The following ARHGEF28 variants were observed in gnomAD, a reference collection of about 807,000 sequenced individuals.
ARHGEF28 encodes 190 kDa guanine nucleotide exchange factor.
Under a neutral mutation model 206.6 loss-of-function variants are expected in ARHGEF28, and 152 were observed. The ratio of observed to expected loss-of-function variants is 0.74; its 90% confidence interval spans 0.64 to 0.84. The LOEUF is 0.84. Among genes scored for constraint, ARHGEF28 ranks in the 40% least tolerant of loss-of-function variants. The pLI is 0.00. For synonymous variants in ARHGEF28, 763 were observed against 776.4 expected (o/e 0.98, Z 0.29); for missense variants, 2,028 against 2,073.2 (o/e 0.98, Z 0.42).
chr5:73,879,819 G>C (rs1352933989), intron 22 of ARHGEF28, among the ~76,000 whole-genome samples: 1 of 152,152 alleles, frequency 6.6e-6, no homozygotes, highest in Non-Finnish European at 1.5e-5. Flanking sequence ...GCCATGTGAG[G>C]TGTCAGTCTG....
intron 1 of ARHGEF28, among the ~76,000 whole-genome samples, chr5:73,666,446 G>T (rs1369503425): frequency 6.6e-6 from 1 of 152,192 alleles, no homozygotes; most frequent in African/African-American, 2.4e-5. Context: ...TACCCTAGTG[G>T]AGGCTCTCTT....
intron 7 of ARHGEF28, among the ~76,000 whole-genome samples, chr5:73,785,580 G>A (rs551230313): frequency 6.6e-6 from 1 of 152,242 alleles, no homozygotes; most frequent in African/African-American, 2.4e-5. Flanking sequence ...GATATCACAT[G>A]GGAGGCTATT....
chr5:73,704,544 C>T (rs1748814930), intron 2 of ARHGEF28, among the ~76,000 whole-genome samples: 1 of 152,110 alleles, frequency 6.6e-6, no homozygotes, highest in African/African-American at 2.4e-5. Flanking sequence ...CCTGCCTCAG[C>T]CTCCTGAGTA....
intron 28 of ARHGEF28, among the ~76,000 whole-genome samples, chr5:73,893,838 A>G (rs563924484): frequency 8.7e-4 from 133 of 152,344 alleles, no homozygotes; most frequent in African/African-American, 3.1e-3. Context: ...ACTTTGAAGC[A>G]CAGAGGGGAC....
chr5:73,828,706 G>T (rs10474401), intron 9 of ARHGEF28, among the ~76,000 whole-genome samples: 8 of 126,168 alleles, frequency 6.3e-5, no homozygotes, highest in South Asian at 2.6e-4. Flanking sequence ...CTTTCTCTCT[G>T]TCTCTTTCTC....
Position 73,632,811 on chromosome 5 carries a change from C to A in ARHGEF28, c.-12+6489C>A, listed in dbSNP as rs1031935725. Among the ~76,000 whole-genome samples, 11 of 151,974 alleles carry A rather than the reference C, an allele frequency of 7.2e-5. No homozygotes were observed. In the South Asian group the frequency reaches 1.9e-3, roughly 26 times the overall value. On this transcript the variant is annotated intron_variant, in intron 1 of 35. Coordinates refer to ENST00000513042, the MANE Select transcript of ARHGEF28 (RefSeq NM_001177693.2). ...CTATCTGACGGTGTAGAGCAGCAGT[C>A]CCCAACCTTTTTGACACCAGGGATT...
At chr5:73,846,158 A>G (rs1254021421) in intron 11 of ARHGEF28, 110 bp from the exon 12 acceptor site, 5 of 918,234 alleles carry the variant, frequency 5.4e-6, no homozygotes, top group South Asian at 3.2e-5. Flanking sequence ...ATGAATACCT[A>G]TTGCACCCCC....
In ARHGEF28 at chr5:73,858,139, C is replaced by T. The variant is rs777295435; in HGVS notation, c.1967C>T (p.Ala656Val). 20 of 1,612,074 alleles carry T rather than the reference C, an allele frequency of 1.2e-5. No homozygotes were observed. Reference protein sequence around the residue: ...DKEKLNRHQFAPGTFSGVLQC... With the variant: ...DKEKLNRHQFVPGTFSGVLQC... The stretch of plus-strand genomic sequence containing the variant: ...GAGAAGCTGAATCGACATCAGTTTG[C>T]CCCAGGAACATTCTCTGGGGTTCTG... The change falls in exon 16 of 36, where the codon GCC (alanine) becomes GTC (valine). Residue 656 changes from alanine (A) to valine (V), a missense_variant. Coordinates refer to ENST00000513042, the MANE Select transcript of ARHGEF28 (RefSeq NM_001177693.2).
chr5:73,732,715 C>G (rs1038952442), intron 2 of ARHGEF28, among the ~76,000 whole-genome samples: 5 of 152,104 alleles, frequency 3.3e-5, no homozygotes, highest in Non-Finnish European at 5.9e-5. Context: ...TTGCTGCATC[C>G]CTTGTTCCTA....
chr5:73,669,129 A>G (rs1746148460), intron 1 of ARHGEF28, among the ~76,000 whole-genome samples: 1 of 152,152 alleles, frequency 6.6e-6, no homozygotes, highest in Non-Finnish European at 1.5e-5. Flanking sequence ...GAATTTTTTA[A>G]TATATTTTAA....
chr5:73,630,323 G>A (rs929004258), intron 1 of ARHGEF28, among the ~76,000 whole-genome samples: 3 of 152,162 alleles, frequency 2.0e-5, no homozygotes, highest in African/African-American at 7.2e-5. Context: ...AAGGGGGTTA[G>A]AATGTGGACT....
intron 1 of ARHGEF28, among the ~76,000 whole-genome samples, chr5:73,634,613 T>C (rs1209147258): frequency 6.6e-6 from 1 of 152,232 alleles, no homozygotes; most frequent in South Asian, 2.1e-4. Flanking sequence ...CGAATCCCTC[T>C]GTCATTGTCC....
At chr5:73,801,496 G>C (rs1249924701) in intron 9 of ARHGEF28, among the ~76,000 whole-genome samples, 2 of 151,550 alleles carry the variant, frequency 1.3e-5, no homozygotes, top group Admixed American at 1.3e-4. Flanking sequence ...AGGATCTTAA[G>C]CATGGCATCT....
chr5:73,889,430 G>A (rs897359171), intron 26 of ARHGEF28, among the ~76,000 whole-genome samples: 2 of 152,222 alleles, frequency 1.3e-5, no homozygotes, highest in African/African-American at 4.8e-5. Flanking sequence ...CCTACAAAAT[G>A]TGTTAAGAAA....
intron 2 of ARHGEF28, among the ~76,000 whole-genome samples, chr5:73,736,318 C>CA (rs1404227989): frequency 6.6e-6 from 1 of 152,184 alleles, no homozygotes; most frequent in Non-Finnish European, 1.5e-5. Flanking sequence ...GCACTGACCA[C>CA]AGTGGCAGGG....
At chr5:73,755,778 GCCAT>G (rs1752275642) in intron 4 of ARHGEF28, among the ~76,000 whole-genome samples, 1 of 152,104 alleles carries the variant, frequency 6.6e-6, no homozygotes, top group Non-Finnish European at 1.5e-5. Flanking sequence ...GTTGTCGAGG[GCCAT>G]CCTATTGCCA....
chr5:73,917,586 C>T (rs1303447396), intron 35 of ARHGEF28, among the ~76,000 whole-genome samples: 1 of 152,238 alleles, frequency 6.6e-6, no homozygotes, highest in Non-Finnish European at 1.5e-5. Context: ...CATCCCGCCT[C>T]AGCACACAGA....
intron 35 of ARHGEF28, among the ~76,000 whole-genome samples, chr5:73,915,075 T>C (rs1763133413): frequency 6.6e-6 from 1 of 152,212 alleles, no homozygotes; most frequent in Non-Finnish European, 1.5e-5. Context: ...GGTTTAGATA[T>C]AGAACTAATC....
At chr5:73,650,860 G>T (rs1419384663) in intron 1 of ARHGEF28, among the ~76,000 whole-genome samples, 1 of 152,022 alleles carries the variant, frequency 6.6e-6, no homozygotes, top group African/African-American at 2.4e-5. Flanking sequence ...ATGTTGTCAG[G>T]CTGGTCTTGA....
Sources: allele counts gnomAD v4.1 joint callset (sites outside exome capture counted in the v4.1 genomes callset), GRCh38; gene constraint gnomAD v4.1.1; transcripts MANE v1.5; gene names NCBI Gene and HGNC (gene_info 2026-07-23, HGNC 2026-07-21).